PLEC: variants seen among roughly 807,000 people sequenced by gnomAD.
PLEC encodes the protein hemidesmosomal protein 1.
Under a neutral mutation model 392.8 loss-of-function variants are expected in PLEC, and 216 were observed. That is an observed-to-expected ratio of 0.55 (90% CI 0.49 to 0.62). The LOEUF is 0.62. Among genes scored for constraint, PLEC ranks in the 20% least tolerant of loss-of-function variants. The probability of loss-of-function intolerance (pLI) is 0.00; values close to 1 mark genes in which losing one functional copy is unlikely to be tolerated. For synonymous variants in PLEC, 3,621 were observed against 2,980.6 expected, an observed-to-expected ratio of 1.21 and a Z score of -7.00; for missense variants, 6,863 against 6,563.4, an observed-to-expected ratio of 1.05 and a Z score of -1.58.
rs1821932975 is a variant in PLEC at position 143,919,836 on chromosome 8, C to T, written c.9985G>A (p.Glu3329Lys). The change falls in exon 32 of 32, where the codon GAG (glutamate) becomes AAG (lysine). Residue 3329 changes from glutamate to lysine, a missense_variant. By Grantham distance (56) the Glu-to-Lys change is moderately conservative. Coordinates refer to ENST00000345136, the MANE Select transcript of PLEC (RefSeq NM_201384.3). ...ASGVLSRAQF[E>K]QLKDGKTTVK... The stretch of plus-strand genomic sequence containing the variant: ...GTCGTCTTGCCGTCCTTGAGCTGCT[C>T]AAACTGGGCTCTGCTGAGGACCCCG... 5.6e-6 allele frequency: 9 copies of T among 1,613,162 alleles called. No homozygotes were observed. Among genetic ancestry groups the T allele is most frequent in the Non-Finnish European group, 7.6e-6 (9 of 1,180,042 alleles).
At position 143,927,332 on chromosome 8, in the gene PLEC, G is replaced by T. The variant is rs782372916; in HGVS notation, c.3760C>A (p.Leu1254Met). The change falls in exon 28 of 32, where the codon CTG becomes ATG. Residue 1254 changes from leucine (L) to methionine (M), a missense_variant. By Grantham distance (15) the Leu-to-Met change is conservative (BLOSUM62 2). Coordinates refer to ENST00000345136, the MANE Select transcript of PLEC (RefSeq NM_201384.3). ...VREQLRQEQA[L>M]LEEIERHGEK... Reference sequence around the variant, plus strand: ...CCGTGGCGCTCGATCTCCTCCAGCAGGGCCTGGGTGATGGTGTGGTCAGAG... The same window carrying T: ...CCGTGGCGCTCGATCTCCTCCAGCATGGCCTGGGTGATGGTGTGGTCAGAG... The T allele has an allele frequency of 1.2e-6, 2 of 1,612,876 alleles. No homozygotes were observed. The highest frequency in any genetic ancestry group is 1.3e-5 in the African/African-American group (1 of 74,936).
chr8:143,929,414 C>G lies in PLEC; in HGVS notation c.3081G>C (p.Gln1027His). Residue 1027 changes from glutamine to histidine, a missense_variant and splice_region_variant, in exon 24 of 32, where the codon CAG becomes CAC. Gln to His is a conservative substitution (Grantham distance 24). Coordinates refer to ENST00000345136, the MANE Select transcript of PLEC (RefSeq NM_201384.3). Reference sequence around the variant, plus strand: ...CTGGATGGGGGGGGACGGCCCCTGCCTGCTGCTCGGCGATGCGCTGGGCAC... The same window carrying G: ...CTGGATGGGGGGGGACGGCCCCTGCGTGCTGCTCGGCGATGCGCTGGGCAC... The part of the protein sequence containing the change: ...RECAQRIAEQ[Q>H]KAQAEVEGLG... The G allele has an allele frequency of 6.4e-7, 1 of 1,563,698 alleles. No homozygotes were observed. The highest frequency in any genetic ancestry group is 8.6e-7 in the Non-Finnish European group (1 of 1,156,760).
chr8:143,944,813 G>A, intron 1 of PLEC: 1 of 796,188 alleles, frequency 1.3e-6, no homozygotes, highest in South Asian at 4.9e-5. Context: ...GCTTGTGGGG[G>A]AGGGGAGCAG....
At chr8:143,944,057 T>G, upstream of PLEC, 1 of 981,348 alleles carries the variant, frequency 1.0e-6, no homozygotes, top group Non-Finnish European at 1.5e-6. Context: ...CCACAACAGC[T>G]CCCGCCCGCC....
upstream of PLEC, chr8:143,975,451 TC>T (rs2133008013): frequency 7.8e-7 from 1 of 1,276,126 alleles, no homozygotes; most frequent in East Asian, 2.4e-5. The surrounding 1 kb of genome is among the most constrained non-coding windows in gnomAD (Gnocchi z 9.9). Flanking sequence ...CCCACCACCT[TC>T]TTAACCTAGA....
upstream of PLEC, among the ~76,000 whole-genome samples, chr8:143,944,223 G>A (rs1831080189): frequency 1.3e-5 from 2 of 152,084 alleles, no homozygotes; most frequent in African/African-American, 4.8e-5. Context: ...CGGGAGGAGG[G>A]GCCAGCCGCA....
intron 1 of PLEC, among the ~76,000 whole-genome samples, chr8:143,962,746 T>C (rs952758911): frequency 1.8e-4 from 28 of 152,340 alleles, no homozygotes; most frequent in African/African-American, 6.3e-4. Context: ...ACAGAACTTG[T>C]AAGCAATGAA....
In PLEC at chr8:143,960,719, C is replaced by T. The variant is rs575056616; in HGVS notation, c.70+12684G>A. The stretch of plus-strand genomic sequence containing the variant: ...AGAAAATATTCACGTGACTCAAACA[C>T]TGAGAGTAGACAGAGAAGTCTTGCT... On this transcript the variant is annotated intron_variant, in intron 1 of 31. Transcript: ENST00000356346. Among the ~76,000 whole-genome samples, 15 of 152,350 alleles carry T rather than the reference C, an allele frequency of 9.8e-5. No homozygotes were observed. The South Asian group carries it at 3.1e-3, about 32-fold the overall frequency.
rs782569919 is a variant in PLEC, at chr8:143,927,828, A to G, written c.3399+26T>C. ...GGGCCCGCTGTACCCCCACCCCGCC[A>G]TGAAGCCCAAGCCTCGAAACGATAC... On this transcript the variant is annotated intron_variant, in intron 26 of 31. Transcript: ENST00000345136. 2.5e-5 allele frequency: 40 copies of G among 1,591,614 alleles called. No homozygotes were observed. In the Admixed American group the frequency reaches 6.5e-4, roughly 26 times the overall value.
upstream of PLEC, among the ~76,000 whole-genome samples, chr8:143,974,640 G>GC (rs1449232018): frequency 6.6e-6 from 1 of 152,198 alleles, no homozygotes; most frequent in Non-Finnish European, 1.5e-5. This position sits in a 1 kb window ranked among gnomAD's most constrained non-coding sequence, Gnocchi z 5.9. Flanking sequence ...AGCCTAGAGA[G>GC]CTACTGCTCC....
At chr8:143,975,934 C>T (rs2133011076), upstream of PLEC, among the ~76,000 whole-genome samples, 1 of 152,266 alleles carries the variant, frequency 6.6e-6, no homozygotes, top group Admixed American at 6.5e-5. This position sits in a 1 kb window ranked among gnomAD's most constrained non-coding sequence, Gnocchi z 9.9. Context: ...GAAAGCTGAC[C>T]ACCGCCCCCT....
chr8:143,916,384 G>T lies in PLEC; in HGVS notation c.13437C>A (p.Ser4479Arg). ...CAGCGGTAGAGCCGGAGCCGCTGAC[G>T]CTGTAGGGGCTGTAGTAGCCCTTGG... ...QSTKGYYSPY[S>R]VSGSGSTAGS... Residue 4479 changes from serine to arginine, a missense_variant, in exon 32 of 32, where the codon AGC becomes AGA. Transcript: ENST00000345136. The T allele has an allele frequency of 6.2e-7, 1 of 1,610,754 alleles. No individual in the cohort carries two copies.
rs1823576456 is a variant in PLEC, at chr8:143,923,292, T to G, written c.6637A>C (p.Lys2213Gln). The G allele has an allele frequency of 6.2e-7, 1 of 1,608,408 alleles. No individual in the cohort carries two copies. The highest frequency in any genetic ancestry group is 1.7e-5 in the Admixed American group (1 of 59,928). Residue 2213 changes from lysine to glutamine, a missense_variant, in exon 31 of 32, where the codon AAG becomes CAG. By Grantham distance (53) the Lys-to-Gln change is moderately conservative (BLOSUM62 1). Transcript: ENST00000345136. The stretch of plus-strand genomic sequence containing the variant: ...CGTGCGGCCTCCGTGGCCTCCGCCT[T>G]CAGCCGCTGCAGCTCCTCGTCCAGC... ...NLLDEELQRL[K>Q]AEATEAARQR... is the part of the protein sequence containing the mutation.
At position 143,922,043 on chromosome 8, in the gene PLEC, C is replaced by T; in HGVS notation, c.7778G>A (p.Arg2593Lys). 1 of 1,595,010 alleles carries T rather than the reference C, an allele frequency of 6.3e-7. No homozygotes were observed. The highest frequency in any genetic ancestry group is 8.5e-7 in the Non-Finnish European group (1 of 1,178,596). Reference protein sequence around the residue: ...QEELLAEENQRLREQLQLLEE... With the variant: ...QEELLAEENQKLREQLQLLEE... ...CAGGAGCTGCAGCTGCTCACGCAGC[C>T]TCTGGTTCTCCTCAGCCAGCAGCTC... The change falls in exon 32 of 32, where the codon AGG (arginine) becomes AAG (lysine). Residue 2593 changes from arginine (R) to lysine (K), a missense_variant. Coordinates refer to ENST00000345136, the MANE Select transcript of PLEC (RefSeq NM_201384.3).
rs368314247 is a variant in PLEC at position 143,918,015 on chromosome 8, C to T, written c.11806G>A (p.Ala3936Thr). The change falls in exon 32 of 32, where the codon GCT becomes ACT. Residue 3936 changes from alanine (A) to threonine (T), a missense_variant. Ala to Thr is a moderately conservative substitution (Grantham distance 58, BLOSUM62 0). Transcript: ENST00000345136. ...QKFLEGTSCI[A>T]GVFVDATKER... is the part of the protein sequence containing the mutation. ...TTGGTGGCGTCCACGAAGACACCAG[C>T]GATGCAGCTGGTGCCTTCCAGGAAC... is the stretch of plus-strand genomic sequence containing the variant. The T allele has an allele frequency of 5.0e-5, 81 of 1,611,476 alleles. No homozygotes were observed. The highest frequency in any genetic ancestry group is 6.0e-5 in the Non-Finnish European group (71 of 1,179,712).
At chr8:143,945,629 TCA>T (rs1831350284) in intron 1 of PLEC, among the ~76,000 whole-genome samples, 1 of 152,164 alleles carries the variant, frequency 6.6e-6, no homozygotes, top group Admixed American at 6.5e-5. Flanking sequence ...CATGAAGGCC[TCA>T]TACAGACCAG....
intron 1 of PLEC, among the ~76,000 whole-genome samples, chr8:143,961,068 G>C: frequency 6.6e-6 from 1 of 152,240 alleles, no homozygotes; most frequent in Non-Finnish European, 1.5e-5. Context: ...CACACTGCGC[G>C]TTTGTGGCTC....
In PLEC at chr8:143,920,613, G is replaced by A. The variant is rs1435350143; in HGVS notation, c.9208C>T (p.Pro3070Ser). ...AQAGTGHIID[P>S]ATSARLTVDE... ...ACGGTCAGCCGGGCGCTGGTGGCGGGGTCGATGATGTGCCCGGTGCCGGCC... is the reference window on the plus strand; with the variant it reads ...ACGGTCAGCCGGGCGCTGGTGGCGGAGTCGATGATGTGCCCGGTGCCGGCC... Residue 3070 changes from proline (P) to serine (S), a missense_variant, in exon 32 of 32, where the codon CCC (proline) becomes TCC (serine). Coordinates refer to ENST00000345136, the MANE Select transcript of PLEC (RefSeq NM_201384.3). The A allele has an allele frequency of 6.2e-7, 1 of 1,608,168 alleles. No individual in the cohort carries two copies. Among genetic ancestry groups the A allele is most frequent in the African/African-American group, 1.3e-5 (1 of 74,940 alleles).
rs781924383 is a variant in PLEC, at chr8:143,937,252, G to A, written c.265-10C>T. ...TCCCCTTCTCCCGGGGCTGTGGGGA[G>A]GCACAGTCAGCACCCACAGTGCAGC... is the stretch of plus-strand genomic sequence containing the variant. On this transcript the variant is annotated splice_polypyrimidine_tract_variant and intron_variant, in intron 3 of 31. Coordinates refer to ENST00000345136, the MANE Select transcript of PLEC (RefSeq NM_201384.3). The A allele has an allele frequency of 5.6e-6, 9 of 1,607,964 alleles. No individual in the cohort carries two copies. The South Asian group carries it at 8.8e-5, about 16-fold the overall frequency.
Sources: allele counts gnomAD v4.1 joint callset (sites outside exome capture counted in the v4.1 genomes callset), GRCh38; gene constraint gnomAD v4.1.1; non-coding constraint Gnocchi (gnomAD v3.1); transcripts MANE v1.5; gene names NCBI Gene and HGNC (gene_info 2026-07-23, HGNC 2026-07-21).